The following DPF1 variants were observed in gnomAD, a reference collection of about 807,000 sequenced individuals.
DPF1 encodes the protein zinc finger protein neuro-d4.
A neutral mutation model predicts 58.7 loss-of-function variants in DPF1; 14 were observed. The ratio of observed to expected loss-of-function variants is 0.24; its 90% CI spans 0.16 to 0.37. DPF1 has a LOEUF of 0.37. Ranked by LOEUF, DPF1 falls within the 10% of genes least tolerant of loss-of-function variation. The pLI, the probability that DPF1 is intolerant of heterozygous loss-of-function variation, is 1.00. For synonymous variants in DPF1, 216 were observed against 216.0 expected (o/e 1.00, Z 0.00); for missense variants, 345 against 529.9 (o/e 0.65, Z 3.43).
In DPF1 at chr19:38,224,181, G is replaced by T; in HGVS notation, c.-39C>A. On this transcript the variant is annotated 5_prime_UTR_variant, in exon 1 of 12. Coordinates refer to ENST00000355526, the MANE Select transcript of DPF1 (RefSeq NM_001135155.3). This position sits in a 1 kb window ranked among gnomAD's most constrained non-coding sequence, Gnocchi z 4.5. The stretch of plus-strand genomic sequence containing the variant: ...TCCTGCCCCCAGCAGGTCCCCGCCG[G>T]GTCGGTCCTCCCAGCGGTCGGGCGG... The T allele has an allele frequency of 7.0e-7, 1 of 1,427,604 alleles. No individual in the cohort carries two copies. The highest frequency in any genetic ancestry group is 9.2e-7 in the Non-Finnish European group (1 of 1,091,748). The allele number at this position is 1,427,604 out of a possible 1,614,324, so 88.4% of individuals were successfully genotyped here.
chr19:38,217,924 C>T (rs745932104), intron 5 of DPF1, 48 bp from the exon 6 acceptor site: 1 of 1,601,516 alleles, frequency 6.2e-7, no homozygotes, highest in East Asian at 2.2e-5. Flanking sequence ...AGAAAACAGG[C>T]CAGGCGTGGT....
At chr19:38,224,537 G>C (rs1213957225), upstream of DPF1, among the ~76,000 whole-genome samples, 2 of 152,152 alleles carry the variant, frequency 1.3e-5, no homozygotes, top group East Asian at 3.9e-4. The surrounding 1 kb of genome is among the most constrained non-coding windows in gnomAD (Gnocchi z 4.5). Context: ...ACACACCTTC[G>C]CACGGACTCA....
intron 3 of DPF1, among the ~76,000 whole-genome samples, chr19:38,220,856 C>T (rs979249605): frequency 6.6e-6 from 1 of 152,112 alleles, no homozygotes; most frequent in South Asian, 2.1e-4. Flanking sequence ...CACAGACCCT[C>T]GGACTCAGGA....
At chr19:38,217,679 T>TG (rs1967132851) in intron 6 of DPF1, 88 bp from the exon 7 acceptor site, 1 of 1,544,220 alleles carries the variant, frequency 6.5e-7, no homozygotes. Context: ...ACCTCCCCCC[T>TG]CAGCCAGAGA....
At position 38,222,033 on chromosome 19, in the gene DPF1, A is replaced by G. The variant is rs1469082969; in HGVS notation, c.298+324T>C. On this transcript the variant is annotated intron_variant, in intron 3 of 11. Transcript: ENST00000355526. This position sits in a 1 kb window ranked among gnomAD's most constrained non-coding sequence, Gnocchi z 4.9. ...GCGGAAGTTGCGGGTTCAAGGTTCA[A>G]CTCCCCGCTAGGTGGAGGTTGGGGG... is the stretch of plus-strand genomic sequence containing the variant. 6.6e-6 allele frequency among the ~76,000 whole-genome samples: 1 copy of G among 151,712 alleles called. No homozygotes were observed. Among genetic ancestry groups the G allele is most frequent in the Non-Finnish European group, 1.5e-5 (1 of 67,942 alleles).
Position 38,222,531 on chromosome 19 carries a change from A to G in DPF1, c.190+17T>C. The G allele has an allele frequency of 6.2e-7, 1 of 1,606,112 alleles. No individual in the cohort carries two copies. Among genetic ancestry groups the G allele is most frequent in the Non-Finnish European group, 8.5e-7 (1 of 1,176,536 alleles). On this transcript the variant is annotated intron_variant, in intron 2 of 11. Transcript: ENST00000355526. This position sits in a 1 kb window ranked among gnomAD's most constrained non-coding sequence, Gnocchi z 4.9. ...GCCTGGCCCCGCCCCGCCCTGCGCC[A>G]GCCCTCCCGGCGGTACCCGGCCCGC...
In DPF1 at chr19:38,212,475, A is replaced by G. The variant is rs1973524332; in HGVS notation, c.1012-114T>C. On this transcript the variant is annotated intron_variant, in intron 10 of 11. Coordinates refer to ENST00000355526, the MANE Select transcript of DPF1 (RefSeq NM_001135155.3). ...GGGCTGGGGGAGGTGAGGCCTTCCG[A>G]GAAAGGTTCTGAGAAGGTCTTTGCA... is the stretch of plus-strand genomic sequence containing the variant. 4 of 577,032 alleles carry G rather than the reference A, an allele frequency of 6.9e-6. 1 individual carries two copies. In the South Asian group the frequency reaches 9.6e-5, roughly 14 times the overall value. 35.7% of individuals were successfully genotyped at this position (577,032 alleles called of 1,614,324 possible).
chr19:38,227,114 G>A (rs1300220307), upstream of DPF1, among the ~76,000 whole-genome samples: 5 of 130,524 alleles, frequency 3.8e-5, no homozygotes, highest in Admixed American at 2.7e-4. Flanking sequence ...CGTCTCACTC[G>A]ATGGCCCAGG....
Position 38,222,860 on chromosome 19 carries a change from C to G in DPF1, c.30-152G>C. On this transcript the variant is annotated intron_variant, in intron 1 of 11. Transcript: ENST00000355526. The surrounding 1 kb of genome is among the most constrained non-coding windows in gnomAD (Gnocchi z 4.9). ...CTCTCCCCTCCTCCCACTCCGGGAC[C>G]CAGGCTGGGGGAAGGGGACAGGGCC... The G allele has an allele frequency of 8.4e-7, 1 of 1,183,792 alleles. No homozygotes were observed. The highest frequency in any genetic ancestry group is 3.0e-4 in the Middle Eastern group (1 of 3,308). 73.3% of individuals were successfully genotyped at this position (1,183,792 alleles called of 1,614,324 possible).
At chr19:38,214,892 G>A (rs1270369859) in intron 9 of DPF1, among the ~76,000 whole-genome samples, 1 of 140,546 alleles carries the variant, frequency 7.1e-6, no homozygotes, top group Non-Finnish European at 1.5e-5. Context: ...GTGGAGTGCA[G>A]TGGTGCAATC....
chr19:38,220,355 C>T (rs1455303897), intron 3 of DPF1, among the ~76,000 whole-genome samples: 3 of 152,036 alleles, frequency 2.0e-5, no homozygotes, highest in Non-Finnish European at 4.4e-5. Flanking sequence ...GGTGCGGTGG[C>T]TCACGCCTGT....
intron 9 of DPF1, among the ~76,000 whole-genome samples, chr19:38,214,389 C>G (rs944264467): frequency 5.3e-5 from 8 of 152,204 alleles, no homozygotes; most frequent in African/African-American, 1.9e-4. Context: ...AACCACGGCC[C>G]CGGTGCCATC....
chr19:38,213,963 C>T, intron 9 of DPF1: 1 of 562,982 alleles, frequency 1.8e-6, no homozygotes, highest in Non-Finnish European at 3.2e-6. Flanking sequence ...CCACAACCAC[C>T]ATGGCAACCA....
chr19:38,219,347 C>T (rs1967276320), intron 3 of DPF1: 1 of 427,878 alleles, frequency 2.3e-6, no homozygotes, highest in Non-Finnish European at 4.3e-6. Context: ...TCAGGGAAGA[C>T]ACAGCGACTC....
chr19:38,214,049 A>G (rs1270452218), intron 9 of DPF1: 2 of 357,634 alleles, frequency 5.6e-6, no homozygotes, highest in Non-Finnish European at 1.0e-5. Flanking sequence ...TCTACCACCC[A>G]CAACACCGTG....
At chr19:38,226,238 G>A (rs148044486), upstream of DPF1, among the ~76,000 whole-genome samples, 9 of 81,608 alleles carry the variant, frequency 1.1e-4, no homozygotes, top group Middle Eastern at 5.3e-3. Flanking sequence ...CCACCACCCC[G>A]TCCCCCCTCC....
At position 38,222,726 on chromosome 19, in the gene DPF1, G is replaced by A. The variant is rs777978900; in HGVS notation, c.30-18C>T. The A allele has an allele frequency of 1.5e-5, 24 of 1,567,114 alleles. No homozygotes were observed. The highest frequency in any genetic ancestry group is 2.0e-5 in the Non-Finnish European group (23 of 1,156,256). ...CGCCTAGGCTAGAGGGGCGGCGAAC[G>A]GGCGGGCGGCTGTCAGCAAGGGCAG... On this transcript the variant is annotated intron_variant, in intron 1 of 11. Transcript: ENST00000355526. The surrounding 1 kb of genome is among the most constrained non-coding windows in gnomAD (Gnocchi z 4.9).
rs1040770924 is a variant in DPF1, at chr19:38,219,217, G to A, written c.299-159C>T. 5.7e-6 allele frequency: 6 copies of A among 1,056,234 alleles called. No homozygotes were observed. The African/African-American group carries it at 7.9e-5, about 14-fold the overall frequency. 65.4% of individuals were successfully genotyped at this position (1,056,234 alleles called of 1,614,324 possible). A position where few individuals can be genotyped will look rare whatever the true frequency, so the allele number is the denominator to read the frequency against. ...AGGAGGGAGGCCCAGACTCTGGGGA[G>A]ACCCAGTCACGCCCTCAGATGCCCT... On this transcript the variant is annotated intron_variant, in intron 3 of 11. Coordinates refer to ENST00000355526, the MANE Select transcript of DPF1 (RefSeq NM_001135155.3).
intron 10 of DPF1, among the ~76,000 whole-genome samples, chr19:38,213,208 C>T (rs557046194): frequency 2.7e-4 from 41 of 152,312 alleles, no homozygotes; most frequent in African/African-American, 8.7e-4. Context: ...CTCCTGATCT[C>T]AGGTGGTCCA....
Sources: allele counts gnomAD v4.1 joint callset (sites outside exome capture counted in the v4.1 genomes callset), GRCh38; gene constraint gnomAD v4.1.1; non-coding constraint Gnocchi (gnomAD v3.1); transcripts MANE v1.5; gene names NCBI Gene and HGNC (gene_info 2026-07-23, HGNC 2026-07-21).